LRRC42: variants seen among roughly 807,000 people sequenced by gnomAD.
The protein encoded by LRRC42 is leucine rich repeat containing 42.
A neutral mutation model predicts 44.3 loss-of-function variants in LRRC42; 43 were observed. The ratio of observed to expected loss-of-function variants is 0.97; its 90% CI spans 0.76 to 1.25. The LOEUF is 1.25. Ranked by LOEUF, LRRC42 falls within the 50% of genes most tolerant of loss-of-function variation. LRRC42 has a pLI of 0.00. For missense variants in LRRC42, 540 were observed against 509.1 expected (o/e 1.06, Z -0.58); for synonymous variants, 207 against 195.2 (o/e 1.06, Z -0.50).
In LRRC42 at chr1:53,967,707, T is replaced by C; in HGVS notation, c.1055T>C (p.Leu352Pro). ...SRAEAPLKCP[L>P]ADTHMNSSEK... The stretch of plus-strand genomic sequence containing the variant: ...GCAGAAGCCCCACTGAAGTGTCCCC[T>C]GGCAGACACCCACATGAACTCTTCC... The change falls in exon 9 of 9, where the codon CTG becomes CCG. Residue 352 changes from leucine to proline, a missense_variant. By Grantham distance (98) the Leu-to-Pro change is moderately conservative. Coordinates refer to ENST00000371370, the MANE Select transcript of LRRC42 (RefSeq NM_001256409.2). 1.2e-6 allele frequency: 2 copies of C among 1,614,136 alleles called. No individual in the cohort carries two copies. The highest frequency in any genetic ancestry group is 1.7e-6 in the Non-Finnish European group (2 of 1,180,006).
In LRRC42 at chr1:53,960,305, A is replaced by G. The variant is rs560913946; in HGVS notation, c.606-51A>G. ...GTTGAAAGCATGTTTTTATACCTAG[A>G]TTGTCTCAAACTCTCTTTGAGTAAT... On this transcript the variant is annotated intron_variant, in intron 4 of 8. Coordinates refer to ENST00000371370, the MANE Select transcript of LRRC42 (RefSeq NM_001256409.2). 1.9e-5 allele frequency: 24 copies of G among 1,248,160 alleles called. No individual in the cohort carries two copies. In the East Asian group the frequency reaches 4.0e-4, roughly 21 times the overall value. 77.3% of individuals were successfully genotyped at this position (1,248,160 alleles called of 1,614,324 possible).
At chr1:53,961,387 G>T (rs1256084765) in intron 5 of LRRC42, among the ~76,000 whole-genome samples, 1 of 151,926 alleles carries the variant, frequency 6.6e-6, no homozygotes, top group Admixed American at 6.6e-5. Context: ...CTCCAGCCTG[G>T]GTGACAGAGC....
intron 2 of LRRC42, among the ~76,000 whole-genome samples, chr1:53,949,935 C>A (rs375326976): frequency 1.3e-5 from 2 of 152,242 alleles, no homozygotes; most frequent in African/African-American, 4.8e-5. Context: ...TGAGGTCTTA[C>A]CCTTCCTTTC....
chr1:53,966,101 C>A (rs1404627276), intron 7 of LRRC42, among the ~76,000 whole-genome samples, 195 bp from the exon 8 acceptor site: 1 of 152,204 alleles, frequency 6.6e-6, no homozygotes, highest in African/African-American at 2.4e-5. Context: ...AACGTGTTTG[C>A]ATTCTGACTC....
At chr1:53,947,886 A>G (rs1311412766) in intron 2 of LRRC42, 65 bp downstream of exon 2, 2 of 151,912 alleles carry the variant, frequency 1.3e-5, no homozygotes, top group Non-Finnish European at 2.9e-5. Context: ...TTTAGTCTTG[A>G]GAAACAGCAT....
Position 53,955,929 on chromosome 1 carries a change from A to G in LRRC42, c.474-2220A>G, listed in dbSNP as rs77744559. 1.5e-3 allele frequency among the ~76,000 whole-genome samples: 229 copies of G among 152,290 alleles called. 3 individuals carry two copies. The East Asian group carries it at 0.034, about 23-fold the overall frequency. ...AGGCGTGAGCCACCGCGCCCGGCCA[A>G]CATAATCTTTTAGCCCATATTTTAT... On this transcript the variant is annotated intron_variant, in intron 3 of 8. Transcript: ENST00000371370.
chr1:53,956,799 AT>A (rs1654853607), intron 3 of LRRC42, among the ~76,000 whole-genome samples: 1 of 152,220 alleles, frequency 6.6e-6, no homozygotes. Context: ...TTGTTTCAGA[AT>A]TACTAAAAAT....
Position 53,962,278 on chromosome 1 carries a change from C to T in LRRC42, c.814-18C>T, listed in dbSNP as rs781475170. 8.9e-6 allele frequency: 14 copies of T among 1,580,254 alleles called. No homozygotes were observed. In the South Asian group the frequency reaches 1.4e-4, roughly 16 times the overall value. ...AACCAAATGTATTTGCATTTCTGAT[C>T]TGTCTCTGCCTCACTAGGACATCAA... On this transcript the variant is annotated intron_variant, in intron 6 of 8. Transcript: ENST00000371370.
Position 53,952,385 on chromosome 1 carries a change from C to T in LRRC42, c.386C>T (p.Thr129Ile), listed in dbSNP as rs945431592. The stretch of plus-strand genomic sequence containing the variant: ...GCTGCTGAAGCCAGACAGAAATTCA[C>T]TGAGCCAGGTGCAGGGCTGAGGGCT... Reference protein sequence around the residue: ...FSAAEARQKFTEPGAGLRALQ... With the variant: ...FSAAEARQKFIEPGAGLRALQ... The change falls in exon 3 of 9, where the codon ACT becomes ATT. Residue 129 changes from threonine to isoleucine, a missense_variant. Thr to Ile is a moderately conservative substitution (Grantham distance 89, BLOSUM62 -1). Transcript: ENST00000371370. 29 of 1,613,908 alleles carry T rather than the reference C, an allele frequency of 1.8e-5. No individual in the cohort carries two copies. Among genetic ancestry groups the T allele is most frequent in the Non-Finnish European group, 2.5e-5 (29 of 1,179,872 alleles).
chr1:53,957,591 G>A (rs1427536825), intron 3 of LRRC42, among the ~76,000 whole-genome samples: 2 of 152,180 alleles, frequency 1.3e-5, no homozygotes, highest in Non-Finnish European at 2.9e-5. Flanking sequence ...CAGTCTTGCT[G>A]TACATACTTT....
chr1:53,963,433 CAG>C (rs998255148), intron 7 of LRRC42, among the ~76,000 whole-genome samples: 153 of 152,302 alleles, frequency 1.0e-3, no homozygotes, highest in African/African-American at 3.4e-3. Flanking sequence ...GCTGTGGAGT[CAG>C]AAAGACCTGG....
chr1:53,954,359 A>C (rs887759608), intron 3 of LRRC42, among the ~76,000 whole-genome samples: 1 of 152,220 alleles, frequency 6.6e-6, no homozygotes, highest in Non-Finnish European at 1.5e-5. Flanking sequence ...AAAGGAAAAA[A>C]ATTACCTTGC....
At chr1:53,948,681 T>G (rs1654592322) in intron 2 of LRRC42, among the ~76,000 whole-genome samples, 1 of 152,212 alleles carries the variant, frequency 6.6e-6, no homozygotes, top group Non-Finnish European at 1.5e-5. Context: ...TTTTAATTTT[T>G]CAATTTGGAT....
In LRRC42 at chr1:53,952,012, C is replaced by A; in HGVS notation, c.13C>A (p.Leu5Ile). 5.0e-6 allele frequency: 8 copies of A among 1,613,666 alleles called. No homozygotes were observed. Among genetic ancestry groups the A allele is most frequent in the Non-Finnish European group, 6.8e-6 (8 of 1,179,912 alleles). MSYY[L>I]SSENHLDPGP... The stretch of plus-strand genomic sequence containing the variant: ...TGCAACCAAGGCAATGTCTTACTAC[C>A]TCAGCTCAGAAAACCACCTGGACCC... Residue 5 changes from leucine to isoleucine, a missense_variant, in exon 3 of 9, where the codon CTC (leucine) becomes ATC (isoleucine). Physicochemically the swap from Leu to Ile is conservative, Grantham distance 5. Transcript: ENST00000371370.
chr1:53,961,864 A>T, intron 5 of LRRC42, 170 bp from the exon 6 acceptor site: 1 of 580,052 alleles, frequency 1.7e-6, no homozygotes, highest in Non-Finnish European at 3.0e-6. Context: ...GCTCTTTTAT[A>T]TTACAAATAG....
In LRRC42 at chr1:53,966,351, C is replaced by G. The variant is rs199672935; in HGVS notation, c.983C>G (p.Ser328Trp). Residue 328 changes from serine to tryptophan, a missense_variant, in exon 8 of 9, where the codon TCG (serine) becomes TGG (tryptophan). Transcript: ENST00000371370. ...TAEAVKPRET[S>W]EPRAAAQRFY... ...GAAGCTGTGAAGCCACGGGAGACCT[C>G]GGAGCCTAGAGCAGCAGCTCAGCGC... 5 of 1,613,886 alleles carry G rather than the reference C, an allele frequency of 3.1e-6. No homozygotes were observed. Among genetic ancestry groups the G allele is most frequent in the Non-Finnish European group, 4.2e-6 (5 of 1,179,764 alleles).
chr1:53,960,715 C>T (rs1033186301), intron 5 of LRRC42, among the ~76,000 whole-genome samples: 1 of 152,154 alleles, frequency 6.6e-6, no homozygotes, highest in Non-Finnish European at 1.5e-5. Context: ...CCATGCCACT[C>T]GCTGTGTGCA....
chr1:53,958,100 C>CT (rs767831450), intron 3 of LRRC42, 49 bp from the exon 4 acceptor site: 1 of 1,607,560 alleles, frequency 6.2e-7, no homozygotes, highest in African/African-American at 1.3e-5. Flanking sequence ...AATGGTAATG[C>CT]TTTAAGAGTA....
At chr1:53,951,105 A>G (rs1005608556) in intron 2 of LRRC42, among the ~76,000 whole-genome samples, 1 of 152,214 alleles carries the variant, frequency 6.6e-6, no homozygotes, top group African/African-American at 2.4e-5. Flanking sequence ...GAAACAAATA[A>G]ATACAACAGT....
Sources: gnomAD v4.1 joint callset for allele counts (sites outside exome capture counted in the v4.1 genomes callset) on GRCh38, gnomAD v4.1.1 for gene constraint, MANE v1.5 for transcripts, NCBI Gene and HGNC (gene_info 2026-07-23, HGNC 2026-07-21) for gene names.